The following CDH13 variants were observed in gnomAD, a reference collection of about 807,000 sequenced individuals.
CDH13 encodes the protein cadherin-13.
A neutral mutation model predicts 63.8 loss-of-function variants in CDH13; 24 were observed. That is an observed-to-expected ratio of 0.38 (90% CI 0.27 to 0.53). The LOEUF (loss-of-function observed/expected upper bound fraction) is 0.53, where lower values mean the gene tolerates loss of function less well. CDH13 is among the 20% of genes least tolerant of loss of function. The pLI, the probability that CDH13 is intolerant of heterozygous loss-of-function variation, is 0.85. For synonymous variants in CDH13, 503 were observed against 355.3 expected (o/e 1.42, Z -4.67); for missense variants, 1,049 against 903.1 (o/e 1.16, Z -2.07).
At chr16:83,485,060 G>A (rs1307207712) in intron 6 of CDH13, among the ~76,000 whole-genome samples, 1 of 152,124 alleles carries the variant, frequency 6.6e-6, no homozygotes, top group Non-Finnish European at 1.5e-5. Context: ...ATATCTTGAA[G>A]AGTTTCCCAC....
Position 83,431,406 on chromosome 16 carries a change from G to A in CDH13, c.782-55071G>A, listed in dbSNP as rs137933020. On this transcript the variant is annotated intron_variant, in intron 6 of 13. Coordinates refer to ENST00000567109, the MANE Select transcript of CDH13 (RefSeq NM_001257.5). ...ATTTCATTCATTCATCCAAGCAGGA[G>A]ATGATGGCAGAGAGGAAACAGAGCA... Among the ~76,000 whole-genome samples the A allele has an allele frequency of 3.5e-3, 530 of 152,022 alleles. 3 individuals carry two copies. The highest frequency in any genetic ancestry group is 5.3e-3 in the Non-Finnish European group (359 of 68,004).
At chr16:83,544,236 G>C (rs961536382) in intron 7 of CDH13, among the ~76,000 whole-genome samples, 2 of 152,156 alleles carry the variant, frequency 1.3e-5, no homozygotes, top group Non-Finnish European at 2.9e-5. Flanking sequence ...ATGTCATATA[G>C]GGTGGAGTGT....
chr16:83,521,109 A>G (rs898968509), intron 7 of CDH13, among the ~76,000 whole-genome samples: 1 of 152,248 alleles, frequency 6.6e-6, no homozygotes, highest in Non-Finnish European at 1.5e-5. Context: ...TAGGTAAGAC[A>G]TACCCCATCA....
chr16:82,780,460 C>T (rs76676130), intron 1 of CDH13, among the ~76,000 whole-genome samples: 6,663 of 152,320 alleles, frequency 0.044, 213 homozygotes, highest in Non-Finnish European at 0.069. Context: ...AATGTGCCTT[C>T]TGCACATTTT....
intron 5 of CDH13, among the ~76,000 whole-genome samples, chr16:83,244,324 C>G (rs1259187298): frequency 1.3e-5 from 2 of 152,022 alleles, no homozygotes; most frequent in Non-Finnish European, 2.9e-5. Flanking sequence ...GTGATGGTTA[C>G]TGTGTGTGAA....
At chr16:83,041,472 T>A (rs1365553611) in intron 3 of CDH13, among the ~76,000 whole-genome samples, 1 of 152,158 alleles carries the variant, frequency 6.6e-6, no homozygotes, top group African/African-American at 2.4e-5. Flanking sequence ...TTAATTTTTT[T>A]AATAAAAATA....
intron 1 of CDH13, among the ~76,000 whole-genome samples, chr16:82,763,663 T>C (rs2034940175): frequency 6.6e-6 from 1 of 152,190 alleles, no homozygotes; most frequent in East Asian, 1.9e-4. Flanking sequence ...AATGAGCCTC[T>C]GGATTTTATT....
chr16:82,695,627 GT>G (rs2030192357), intron 1 of CDH13, among the ~76,000 whole-genome samples: 1 of 152,150 alleles, frequency 6.6e-6, no homozygotes, highest in African/African-American at 2.4e-5. Flanking sequence ...CTTCCTATCA[GT>G]TTTTTAGGGA....
At chr16:83,646,589 C>T (rs1039483755) in intron 8 of CDH13, among the ~76,000 whole-genome samples, 1 of 151,336 alleles carries the variant, frequency 6.6e-6, no homozygotes, top group African/African-American at 2.4e-5. Context: ...GTAGTCCCAG[C>T]TACTCAGAGG....
intron 5 of CDH13, among the ~76,000 whole-genome samples, chr16:83,271,268 C>A (rs1216212107): frequency 1.3e-5 from 2 of 151,208 alleles, no homozygotes; most frequent in Non-Finnish European, 2.9e-5. Context: ...ACTTGCTCAT[C>A]TTCTTGTATT....
intron 5 of CDH13, among the ~76,000 whole-genome samples, chr16:83,236,339 G>A (rs1157051342): frequency 7.9e-5 from 12 of 152,088 alleles, no homozygotes; most frequent in East Asian, 1.9e-4. Flanking sequence ...TACAGTGGAC[G>A]TTTGACATAG....
intron 2 of CDH13, among the ~76,000 whole-genome samples, chr16:82,907,227 AAAG>A (rs1237727835): frequency 1.2e-4 from 18 of 152,168 alleles, no homozygotes; most frequent in Non-Finnish European, 1.5e-4. Flanking sequence ...AAAGGACAGA[AAAG>A]AACGCGAACC....
chr16:83,366,823 A>T (rs894635786), intron 6 of CDH13, among the ~76,000 whole-genome samples: 2 of 151,922 alleles, frequency 1.3e-5, no homozygotes, highest in Non-Finnish European at 2.9e-5. Flanking sequence ...ACACTTAGGA[A>T]CTCTCAAAAA....
chr16:83,071,071 A>C (rs574987966), intron 3 of CDH13, among the ~76,000 whole-genome samples: 2 of 152,128 alleles, frequency 1.3e-5, no homozygotes, highest in African/African-American at 4.8e-5. Flanking sequence ...TCTCCTAGGC[A>C]TGAGACACCA....
At chr16:83,081,822 C>A (rs930679306) in intron 3 of CDH13, among the ~76,000 whole-genome samples, 14 of 151,444 alleles carry the variant, frequency 9.2e-5, no homozygotes, top group African/African-American at 3.4e-4. Context: ...TTTTTTGAGA[C>A]AGAGTTTGGC....
At chr16:82,730,681 A>G (rs573490650) in intron 1 of CDH13, among the ~76,000 whole-genome samples, 1 of 152,368 alleles carries the variant, frequency 6.6e-6, no homozygotes, top group South Asian at 2.1e-4. Context: ...CACTTGCTCA[A>G]TGCAGGGTTG....
intron 6 of CDH13, among the ~76,000 whole-genome samples, chr16:83,423,002 T>G (rs1486221197): frequency 6.6e-6 from 1 of 152,156 alleles, no homozygotes; most frequent in Non-Finnish European, 1.5e-5. Context: ...CATGCAAGAT[T>G]TACGTTCCAG....
rs151338449 is a variant in CDH13, at chr16:83,581,396, C to T, written c.961-21058C>T. Among the ~76,000 whole-genome samples, 493 of 152,364 alleles carry T rather than the reference C, an allele frequency of 3.2e-3. 5 individuals carry two copies. Among genetic ancestry groups the T allele is most frequent in the African/African-American group, 9.5e-3 (393 of 41,576 alleles). On this transcript the variant is annotated intron_variant, in intron 7 of 13. Transcript: ENST00000567109. Reference sequence around the variant, plus strand: ...CAGACTTAAATATTCTTCCCACATGCTCCTGCCTCAAGACTTTTGCACTTG... The same window carrying T: ...CAGACTTAAATATTCTTCCCACATGTTCCTGCCTCAAGACTTTTGCACTTG...
intron 8 of CDH13, among the ~76,000 whole-genome samples, chr16:83,667,393 C>T (rs1177598203): frequency 2.0e-5 from 3 of 152,008 alleles, no homozygotes; most frequent in African/African-American, 7.3e-5. Flanking sequence ...TTAATTCATT[C>T]ATCCACCCAT....
Sources: allele counts gnomAD v4.1 joint callset (sites outside exome capture counted in the v4.1 genomes callset), GRCh38; gene constraint gnomAD v4.1.1; transcripts MANE v1.5; gene names NCBI Gene and HGNC (gene_info 2026-07-23, HGNC 2026-07-21).